ARID4B: variants seen among roughly 807,000 people sequenced by gnomAD.
ARID4B encodes AT-rich interaction domain 4B.
A neutral mutation model predicts 147.5 loss-of-function variants in ARID4B; 26 were observed. The observed-to-expected ratio is 0.18, with a 90% confidence interval of 0.13 to 0.24. ARID4B has a LOEUF of 0.24. ARID4B is among the 10% of genes least tolerant of loss of function. The pLI, the probability that ARID4B is intolerant of heterozygous loss-of-function variation, is 1.00. For missense variants in ARID4B, 1,179 were observed against 1,511.5 expected (o/e 0.78, Z 3.65); for synonymous variants, 512 against 507.9 (o/e 1.01, Z -0.11).
intron 2 of ARID4B, among the ~76,000 whole-genome samples, chr1:235,302,964 C>T (rs1355091848): frequency 4.0e-5 from 6 of 151,388 alleles, no homozygotes; most frequent in Admixed American, 6.6e-5. Context: ...CTCGCTCTGT[C>T]GCCTAGGCTG....
intron 2 of ARID4B, among the ~76,000 whole-genome samples, chr1:235,318,114 A>G (rs1324905352): frequency 2.0e-5 from 3 of 152,062 alleles, no homozygotes; most frequent in Non-Finnish European, 4.4e-5. Context: ...TATCTTCATA[A>G]GATGGACTAT....
intron 17 of ARID4B, among the ~76,000 whole-genome samples, chr1:235,197,386 A>G (rs913947419): frequency 6.6e-6 from 1 of 152,210 alleles, no homozygotes; most frequent in African/African-American, 2.4e-5. Flanking sequence ...TACTTGACTA[A>G]TAAATTATAT....
At chr1:235,240,710 AAT>A (rs1363466343) in intron 7 of ARID4B, among the ~76,000 whole-genome samples, 1 of 152,206 alleles carries the variant, frequency 6.6e-6, no homozygotes. Context: ...GATCAGGACA[AAT>A]AACTGGTTCC....
In ARID4B at chr1:235,231,143, C is replaced by T; in HGVS notation, c.712G>A (p.Ala238Thr). ...TTTAAAACAGCATCAGGCTTTGGTG[C>T]AGTGTCACTAGTAATTTCATGGACA... is the stretch of plus-strand genomic sequence containing the variant. ...KDVHEITSDT[A>T]PKPDAVLKQA... The change falls in exon 10 of 24, where the codon GCA becomes ACA. Residue 238 changes from alanine to threonine, a missense_variant. Ala to Thr is a moderately conservative substitution (Grantham distance 58, BLOSUM62 0). Transcript: ENST00000264183. 1 of 1,592,480 alleles carries T rather than the reference C, an allele frequency of 6.3e-7. No individual in the cohort carries two copies. The highest frequency in any genetic ancestry group is 8.5e-7 in the Non-Finnish European group (1 of 1,170,870).
intron 17 of ARID4B, among the ~76,000 whole-genome samples, chr1:235,206,833 A>G (rs913341983): frequency 1.3e-5 from 2 of 152,274 alleles, no homozygotes; most frequent in Admixed American, 1.3e-4. Flanking sequence ...AGAGAAACTG[A>G]GTAACAAGTG....
At chr1:235,196,563 C>A (rs886728524) in intron 17 of ARID4B, among the ~76,000 whole-genome samples, 3 of 151,944 alleles carry the variant, frequency 2.0e-5, no homozygotes, top group Non-Finnish European at 4.4e-5. Flanking sequence ...AGAAAAGCAC[C>A]GTATTACAGC....
chr1:235,247,502 G>C (rs558094827), intron 6 of ARID4B, among the ~76,000 whole-genome samples: 1 of 152,150 alleles, frequency 6.6e-6, no homozygotes, highest in East Asian at 1.9e-4. Flanking sequence ...ATAGATGTAT[G>C]TATCTAACAA....
chr1:235,240,171 T>C (rs1443840884), intron 8 of ARID4B, 142 bp downstream of exon 8: 7 of 709,358 alleles, frequency 9.9e-6, no homozygotes, highest in African/African-American at 3.7e-5. Context: ...AAAGACAACG[T>C]TGAAAGTAAG....
At chr1:235,173,742 TAAAAAAAAA>T (rs755815257) in intron 22 of ARID4B, among the ~76,000 whole-genome samples, 21 of 26,226 alleles carry the variant, frequency 8.0e-4, no homozygotes, top group African/African-American at 1.5e-3. Flanking sequence ...CGTCTCTATT[TAAAAAAAAA>T]AAAAAAAAAA....
chr1:235,180,656 G>C (rs1664253299), intron 20 of ARID4B: 1 of 152,054 alleles, frequency 6.6e-6, no homozygotes, highest in South Asian at 2.1e-4. Context: ...AATGTTTTAA[G>C]TCAAGATTCC....
chr1:235,316,143 T>C (rs142907328), intron 2 of ARID4B, among the ~76,000 whole-genome samples: 25 of 152,284 alleles, frequency 1.6e-4, no homozygotes, highest in African/African-American at 5.8e-4. Context: ...AGTTATAAAT[T>C]TAAAAAATTC....
At chr1:235,223,853 T>C (rs1281979373) in intron 12 of ARID4B, among the ~76,000 whole-genome samples, 1 of 152,152 alleles carries the variant, frequency 6.6e-6, no homozygotes, top group Non-Finnish European at 1.5e-5. Flanking sequence ...CATTCTTTTC[T>C]AGTATTAGAT....
At chr1:235,245,710 A>T (rs1287108899) in intron 7 of ARID4B, among the ~76,000 whole-genome samples, 1 of 152,164 alleles carries the variant, frequency 6.6e-6, no homozygotes. Context: ...GAAATTTTTC[A>T]TGTCAGTATA....
At chr1:235,288,459 AT>A (rs1672125680) in intron 2 of ARID4B, among the ~76,000 whole-genome samples, 1 of 152,166 alleles carries the variant, frequency 6.6e-6, no homozygotes, top group African/African-American at 2.4e-5. Context: ...CTGTGAATCT[AT>A]TTTTACATAA....
At chr1:235,224,614 G>T in intron 12 of ARID4B, 89 bp downstream of exon 12, 1 of 896,680 alleles carries the variant, frequency 1.1e-6, no homozygotes, top group Non-Finnish European at 1.8e-6. Flanking sequence ...ATGACATAAA[G>T]TTCAGTAAAC....
At chr1:235,200,315 C>T (rs1665812988) in intron 17 of ARID4B, among the ~76,000 whole-genome samples, 1 of 152,114 alleles carries the variant, frequency 6.6e-6, no homozygotes, top group African/African-American at 2.4e-5. Flanking sequence ...AAAAATCAGC[C>T]AGGCGTGGTA....
chr1:235,172,255 G>A (rs1271118010), intron 23 of ARID4B, among the ~76,000 whole-genome samples: 4 of 152,166 alleles, frequency 2.6e-5, no homozygotes, highest in Admixed American at 6.5e-5. Flanking sequence ...ACTGCAGAGT[G>A]AGAAATTCTG....
intron 2 of ARID4B, among the ~76,000 whole-genome samples, chr1:235,321,680 T>C (rs1325421159): frequency 6.6e-6 from 1 of 152,128 alleles, no homozygotes; most frequent in Admixed American, 6.6e-5. Flanking sequence ...TGTATTTTTT[T>C]AGTAGAGACG....
chr1:235,298,045 A>G (rs1298173767), intron 2 of ARID4B, among the ~76,000 whole-genome samples: 1 of 152,230 alleles, frequency 6.6e-6, no homozygotes, highest in East Asian at 1.9e-4. Context: ...TGACAATGGT[A>G]TGACAGTTGT....
Sources: allele counts gnomAD v4.1 joint callset (sites outside exome capture counted in the v4.1 genomes callset), GRCh38; gene constraint gnomAD v4.1.1; transcripts MANE v1.5; gene names NCBI Gene and HGNC (gene_info 2026-07-23, HGNC 2026-07-21).